CYREN: variants seen among roughly 807,000 people sequenced by gnomAD.
CYREN encodes cell cycle regulator of NHEJ.
A neutral mutation model predicts 9.7 loss-of-function variants in CYREN; 7 were observed. That is an observed-to-expected ratio of 0.72 (90% confidence interval 0.41 to 1.36). CYREN has a LOEUF of 1.36. Among genes scored for constraint, CYREN ranks in the 40% most tolerant of loss-of-function variants. CYREN has a pLI of 0.01. For missense variants in CYREN, 215 were observed against 198.1 expected, an observed-to-expected ratio of 1.09 and a Z score of -0.51; for synonymous variants, 76 against 77.9, an observed-to-expected ratio of 0.98 and a Z score of 0.13.
At position 135,167,719 on chromosome 7, in the gene CYREN, T is replaced by C; in HGVS notation, c.213+13A>G. 6.2e-7 allele frequency: 1 copy of C among 1,613,948 alleles called. No individual in the cohort carries two copies. The highest frequency in any genetic ancestry group is 2.2e-5 in the East Asian group (1 of 44,872). On this transcript the variant is annotated intron_variant, in intron 3 of 3. Transcript: ENST00000393114. ...AGTTTCTGGTCATGAGTAAGAGGCT[T>C]GTCTGACTTTACCTCAATCAGGATT...
chr7:135,105,361 C>A (rs7357324), intron 2 of CYREN, among the ~76,000 whole-genome samples: 1 of 152,032 alleles, frequency 6.6e-6, no homozygotes, highest in East Asian at 1.9e-4. Context: ...TAGGCCACTG[C>A]GCCCAACCTA....
chr7:135,101,575 G>A (rs1174099602), intron 2 of CYREN, among the ~76,000 whole-genome samples: 2 of 152,012 alleles, frequency 1.3e-5, no homozygotes, highest in Non-Finnish European at 2.9e-5. Context: ...CACCCGCCAA[G>A]AAAATAAAAA....
In CYREN at chr7:135,151,014, T is replaced by G. The variant is rs1829654485; in HGVS notation, n.356+17735A>C. On this transcript the variant is annotated intron_variant and non_coding_transcript_variant, in intron 2 of 2. Transcript: ENST00000459937. The surrounding 1 kb of genome is among the most constrained non-coding windows in gnomAD (Gnocchi z 4.3). ...CAATTGCACAAATAGCAAGTTAATATTAATGGAACCATTTAAACAGCTATC... is the reference window on the plus strand; with the variant it reads ...CAATTGCACAAATAGCAAGTTAATAGTAATGGAACCATTTAAACAGCTATC... Among the ~76,000 whole-genome samples the G allele has an allele frequency of 6.6e-6, 1 of 152,230 alleles. No homozygotes were observed. The highest frequency in any genetic ancestry group is 1.5e-5 in the Non-Finnish European group (1 of 68,040).
chr7:135,150,673 G>C (rs1197016566), intron 2 of CYREN, among the ~76,000 whole-genome samples: 2 of 152,188 alleles, frequency 1.3e-5, no homozygotes, highest in African/African-American at 4.8e-5. Context: ...TGAATCTTGT[G>C]AATCTTGGCC....
chr7:135,131,470 T>A (rs1828765343), intron 2 of CYREN, among the ~76,000 whole-genome samples: 2 of 145,074 alleles, frequency 1.4e-5, no homozygotes, highest in South Asian at 2.2e-4. Context: ...AAAAAAAAAA[T>A]TCTCAAAGGA....
intron 2 of CYREN, among the ~76,000 whole-genome samples, chr7:135,114,393 C>T (rs1207281051): frequency 1.3e-5 from 2 of 152,072 alleles, no homozygotes; most frequent in African/African-American, 4.8e-5. Flanking sequence ...TAGCAGCCAT[C>T]CTAATATGGG....
chr7:135,093,881 C>T (rs1344159058), exon 3 of CYREN: 1 of 153,420 alleles, frequency 6.5e-6, no homozygotes, highest in Non-Finnish European at 1.4e-5. Flanking sequence ...CTGTGTGGTA[C>T]TGGCCTAAGG....
At chr7:135,149,060 G>C (rs1392913060) in intron 2 of CYREN, among the ~76,000 whole-genome samples, 2 of 152,012 alleles carry the variant, frequency 1.3e-5, no homozygotes, top group Non-Finnish European at 2.9e-5. Context: ...AAAATCTCAG[G>C]TCTGAGACTC....
rs117154652 is a variant in CYREN, at chr7:135,130,530, C to T, written n.357-35948G>A. Among the ~76,000 whole-genome samples the T allele has an allele frequency of 3.8e-4, 56 of 146,678 alleles. No homozygotes were observed. The East Asian group carries it at 1.0e-2, about 26-fold the overall frequency. On this transcript the variant is annotated intron_variant and non_coding_transcript_variant, in intron 2 of 2. Coordinates refer to the CYREN transcript ENST00000459937. The stretch of plus-strand genomic sequence containing the variant: ...TTGCCCTACCTTCTGTTTGTAAGGA[C>T]AGTCTTAATATTAATTCCAGCAACA...
chr7:135,139,192 C>T (rs777497696), intron 2 of CYREN, among the ~76,000 whole-genome samples: 8 of 152,064 alleles, frequency 5.3e-5, no homozygotes, highest in Non-Finnish European at 1.0e-4. Flanking sequence ...AGTGACTGAA[C>T]TAATGTACAT....
chr7:135,110,388 T>G (rs1196916492), intron 2 of CYREN, among the ~76,000 whole-genome samples: 1 of 152,182 alleles, frequency 6.6e-6, no homozygotes, highest in Non-Finnish European at 1.5e-5. Context: ...AACCCGAGTA[T>G]CTAAAGCTCC....
chr7:135,102,625 G>GTTT (rs57957640), intron 2 of CYREN, among the ~76,000 whole-genome samples: 2 of 145,100 alleles, frequency 1.4e-5, no homozygotes, highest in African/African-American at 2.5e-5. Flanking sequence ...TTCTCTTGTG[G>GTTT]TTTTTTTTTT....
At chr7:135,120,244 AT>A (rs1235446530) in intron 2 of CYREN, among the ~76,000 whole-genome samples, 1 of 152,356 alleles carries the variant, frequency 6.6e-6, no homozygotes, top group East Asian at 1.9e-4. Flanking sequence ...TCTAAATCAT[AT>A]TTGATGGTTG....
intron 2 of CYREN, among the ~76,000 whole-genome samples, chr7:135,100,536 T>C (rs1392617120): frequency 6.6e-6 from 1 of 152,204 alleles, no homozygotes; most frequent in Non-Finnish European, 1.5e-5. Context: ...GTATATCCTC[T>C]CTTCCTTCCT....
At chr7:135,164,502 G>A (rs377705250), downstream of CYREN, 10 of 1,612,902 alleles carry the variant, frequency 6.2e-6, no homozygotes, top group South Asian at 2.2e-5. Context: ...CATAGTCCTC[G>A]TGATTGTGGT....
At chr7:135,131,060 G>A (rs1402752571) in intron 2 of CYREN, among the ~76,000 whole-genome samples, 2 of 152,056 alleles carry the variant, frequency 1.3e-5, no homozygotes, top group Admixed American at 6.6e-5. Context: ...CAAGGACTAT[G>A]TTTTTGGATT....
intron 2 of CYREN, among the ~76,000 whole-genome samples, chr7:135,159,905 A>C (rs1306068123): frequency 1.3e-5 from 2 of 152,248 alleles, no homozygotes; most frequent in Non-Finnish European, 2.9e-5. Context: ...GGAGGATGGG[A>C]TGAGACAGGC....
intron 2 of CYREN, among the ~76,000 whole-genome samples, chr7:135,127,634 A>G (rs941516580): frequency 3.3e-5 from 5 of 152,214 alleles, no homozygotes; most frequent in African/African-American, 1.2e-4. Context: ...ATACCATCTC[A>G]CATCAGTCAG....
intron 2 of CYREN, among the ~76,000 whole-genome samples, chr7:135,106,206 G>C (rs1824690936): frequency 6.6e-6 from 1 of 152,084 alleles, no homozygotes; most frequent in African/African-American, 2.4e-5. Flanking sequence ...CTTCCTATTT[G>C]GATGCTCTTT....
Sources: allele counts gnomAD v4.1 joint callset (sites outside exome capture counted in the v4.1 genomes callset), GRCh38; gene constraint gnomAD v4.1.1; non-coding constraint Gnocchi (gnomAD v3.1); transcripts MANE v1.5; gene names NCBI Gene and HGNC (gene_info 2026-07-23, HGNC 2026-07-21).